NUB1: variants seen among roughly 807,000 people sequenced by gnomAD.
NUB1 encodes the protein negative regulator of ubiquitin like proteins 1.
A neutral mutation model predicts 77.1 loss-of-function variants in NUB1; 41 were observed. That is an observed-to-expected ratio of 0.53 (90% confidence interval 0.41 to 0.69). The LOEUF (loss-of-function observed/expected upper bound fraction) is 0.69, where lower values mean the gene tolerates loss of function less well. NUB1 is among the 30% of genes least tolerant of loss of function. The probability of loss-of-function intolerance (pLI) is 0.00; values close to 1 mark genes in which losing one functional copy is unlikely to be tolerated. For synonymous variants in NUB1, 257 were observed against 281.0 expected, an observed-to-expected ratio of 0.91 and a Z score of 0.85; for missense variants, 643 against 743.8, an observed-to-expected ratio of 0.86 and a Z score of 1.58.
chr7:151,362,882 T>G (rs1455290031), intron 8 of NUB1, among the ~76,000 whole-genome samples: 1 of 152,238 alleles, frequency 6.6e-6, no homozygotes, highest in Non-Finnish European at 1.5e-5. Context: ...AGGAATAGTT[T>G]ATGTTCCCAC....
At position 151,377,314 on chromosome 7, in the gene NUB1, T is replaced by A; in HGVS notation, c.*89T>A. The A allele has an allele frequency of 1.0e-6, 1 of 967,210 alleles. No homozygotes were observed. The highest frequency in any genetic ancestry group is 1.5e-6 in the Non-Finnish European group (1 of 675,276). 59.9% of individuals were successfully genotyped at this position (967,210 alleles called of 1,614,324 possible). A position where few individuals can be genotyped will look rare whatever the true frequency, so the allele number is the denominator to read the frequency against. On this transcript the variant is annotated 3_prime_UTR_variant, in exon 15 of 15. Transcript: ENST00000568733. The stretch of plus-strand genomic sequence containing the variant: ...CAGCTCTTTCTGTTCTTACTTTTTA[T>A]CTGAATTACAAGTCCTCTTTGGGTG...
At chr7:151,365,949 G>A (rs935982740) in intron 8 of NUB1, among the ~76,000 whole-genome samples, 2 of 151,990 alleles carry the variant, frequency 1.3e-5, no homozygotes, top group African/African-American at 2.4e-5. Context: ...AGGCCATGTG[G>A]ATTTTGTAGT....
chr7:151,363,465 A>G lies in NUB1; in HGVS notation c.800+3218A>G, dbSNP rs891469619. ...ACAGAGAAAAGGCTAAAAAAAAAAA[A>G]AAATGAACAGAGCATCTGCAAGCTG... On this transcript the variant is annotated intron_variant, in intron 8 of 14. Coordinates refer to ENST00000568733, the MANE Select transcript of NUB1 (RefSeq NM_001243351.2). 2.4e-4 allele frequency among the ~76,000 whole-genome samples: 37 copies of G among 152,268 alleles called. 2 individuals are homozygous for G. The South Asian group carries it at 7.7e-3, about 32-fold the overall frequency.
chr7:151,376,296 C>G lies in NUB1; in HGVS notation c.1492-338C>G. ...TTTGTATCCCAAGTGACGGCTCTGT[C>G]CACATTTGTGCCCCTACACGCGTTA... On this transcript the variant is annotated intron_variant, in intron 13 of 14. Transcript: ENST00000568733. The G allele has an allele frequency of 8.4e-6, 4 of 476,200 alleles. No homozygotes were observed. The South Asian group carries it at 9.6e-5, about 11-fold the overall frequency. 29.5% of individuals were successfully genotyped at this position (476,200 alleles called of 1,614,324 possible).
intron 12 of NUB1, 51 bp from the exon 13 acceptor site, chr7:151,375,797 A>C (rs1163398117): frequency 1.6e-6 from 2 of 1,213,642 alleles, no homozygotes; most frequent in East Asian, 4.7e-5. Context: ...GCCTGTCTGA[A>C]TGTGTGAAGA....
rs1208078997 is a variant in NUB1, at chr7:151,377,841, C to CATGCTCTT, written c.*617_*618insTGCTCTTA. ...ACGCCAGTGTTTTATGCTCTTAGTT[C>CATGCTCTT]AGTAAAATACGCCCCCGAAATTCAA... On this transcript the variant is annotated 3_prime_UTR_variant, in exon 15 of 15. Coordinates refer to ENST00000568733, the MANE Select transcript of NUB1 (RefSeq NM_001243351.2). 2 of 152,214 alleles carry CATGCTCTT rather than the reference C, an allele frequency of 1.3e-5. No homozygotes were observed. Among genetic ancestry groups the CATGCTCTT allele is most frequent in the Non-Finnish European group, 2.9e-5 (2 of 68,046 alleles). The allele number at this position is 152,214 out of a possible 1,614,324, so 9.4% of individuals were successfully genotyped here.
rs375619382 is a variant in NUB1 at position 151,374,140 on chromosome 7, G to A, written c.1292G>A (p.Arg431His). Residue 431 changes from arginine to histidine, a missense_variant, in exon 12 of 15, where the codon CGC (arginine) becomes CAC (histidine). Physicochemically the swap from Arg to His is conservative, Grantham distance 29. Coordinates refer to ENST00000568733, the MANE Select transcript of NUB1 (RefSeq NM_001243351.2). Reference protein sequence around the residue: ...IRKEEKEKKRRRLENIRFLKG... With the variant: ...IRKEEKEKKRHRLENIRFLKG... ...AAGGAGGAAAAAGAGAAGAAAAGACGCCGCCTCGAGAACATCAGGTTTCTG... is the reference window on the plus strand; with the variant it reads ...AAGGAGGAAAAAGAGAAGAAAAGACACCGCCTCGAGAACATCAGGTTTCTG... 10 of 1,572,374 alleles carry A rather than the reference G, an allele frequency of 6.4e-6. No homozygotes were observed. The highest frequency in any genetic ancestry group is 2.7e-5 in the African/African-American group (2 of 73,702).
chr7:151,375,529 T>C (rs1178824208), intron 12 of NUB1, among the ~76,000 whole-genome samples: 2 of 152,232 alleles, frequency 1.3e-5, no homozygotes, highest in African/African-American at 4.8e-5. Context: ...CAGGCAGCCC[T>C]GAGCTGCTTG....
At chr7:151,341,979 C>CG in intron 1 of NUB1, 133 bp downstream of exon 1, 1 of 1,307,732 alleles carries the variant, frequency 7.6e-7, no homozygotes, top group Non-Finnish European at 9.7e-7. Context: ...AGCAGCCATG[C>CG]GTGGAGCTGG....
chr7:151,350,457 C>T (rs1796739801), intron 3 of NUB1, among the ~76,000 whole-genome samples: 1 of 152,352 alleles, frequency 6.6e-6, no homozygotes, highest in Non-Finnish European at 1.5e-5. Context: ...TACCGCTAGA[C>T]GAGGGAGCCC....
At chr7:151,371,659 C>A (rs1797964673) in intron 11 of NUB1, among the ~76,000 whole-genome samples, 2 of 152,190 alleles carry the variant, frequency 1.3e-5, no homozygotes, top group African/African-American at 4.8e-5. Context: ...CCTATCGGAG[C>A]TTTAGATGAG....
In NUB1 at chr7:151,352,830, A is replaced by G; in HGVS notation, c.363A>G (p.Gly121=). The G allele has an allele frequency of 6.4e-7, 1 of 1,559,504 alleles. No individual in the cohort carries two copies. Among genetic ancestry groups the G allele is most frequent in the Non-Finnish European group, 8.8e-7 (1 of 1,134,248 alleles). The change falls in exon 5 of 15, where the codon GGA becomes GGG. Residue 121 remains glycine (G), a synonymous_variant. Transcript: ENST00000568733. ...TTTACAGAATAGCTGAAACCTTTGG[A>G]CTTCAAGAAAATTATATCAAAATTG... ...ELRSKIAETF[G]LQENYIKIVI...
At chr7:151,353,777 G>A (rs1160259183) in intron 5 of NUB1, among the ~76,000 whole-genome samples, 2 of 152,182 alleles carry the variant, frequency 1.3e-5, no homozygotes, top group African/African-American at 4.8e-5. Flanking sequence ...TTTCCAGTGC[G>A]TTCCTGTGGC....
At chr7:151,376,364 G>T (rs1001267955) in intron 13 of NUB1, 1 of 507,052 alleles carries the variant, frequency 2.0e-6, no homozygotes, top group Non-Finnish European at 3.5e-6. Flanking sequence ...GGTGCTCGTG[G>T]TGAGGCTGGT....
At chr7:151,370,605 C>T (rs918197581) in intron 11 of NUB1, among the ~76,000 whole-genome samples, 4 of 151,560 alleles carry the variant, frequency 2.6e-5, no homozygotes, top group Non-Finnish European at 4.4e-5. Context: ...AGGTTAGTTA[C>T]ATATGTATAC....
chr7:151,373,617 G>T (rs1194453084), intron 11 of NUB1, among the ~76,000 whole-genome samples: 1 of 152,206 alleles, frequency 6.6e-6, no homozygotes, highest in African/African-American at 2.4e-5. Context: ...ACCAGCTTTG[G>T]CATTGCCCAG....
chr7:151,370,149 A>G (rs1433304554), intron 11 of NUB1, among the ~76,000 whole-genome samples: 2 of 151,284 alleles, frequency 1.3e-5, no homozygotes, highest in Non-Finnish European at 2.9e-5. Context: ...GCTGGAGTGC[A>G]GTGGCGTGAT....
intron 7 of NUB1, among the ~76,000 whole-genome samples, chr7:151,357,028 T>G (rs908930785): frequency 6.6e-6 from 1 of 151,966 alleles, no homozygotes; most frequent in Non-Finnish European, 1.5e-5. Flanking sequence ...TGTTTTTGTT[T>G]TTTTAAGACA....
chr7:151,376,991 G>A, intron 14 of NUB1, 56 bp from the exon 15 acceptor site: 1 of 1,456,844 alleles, frequency 6.9e-7, no homozygotes, highest in South Asian at 1.4e-5. Context: ...TGGTCGTGCA[G>A]TGTCCCCAGG....
Sources: allele counts gnomAD v4.1 joint callset (sites outside exome capture counted in the v4.1 genomes callset), GRCh38; gene constraint gnomAD v4.1.1; transcripts MANE v1.5; gene names NCBI Gene and HGNC (gene_info 2026-07-23, HGNC 2026-07-21).